The following GRIN3A variants were observed in gnomAD, a reference collection of about 807,000 sequenced individuals.
The protein encoded by GRIN3A is glutamate receptor ionotropic, NMDA 3A.
Under a neutral mutation model 92.4 loss-of-function variants are expected in GRIN3A, and 47 were observed. The observed-to-expected ratio is 0.51, with a 90% CI of 0.40 to 0.65. The LOEUF is 0.65. Ranked by LOEUF, GRIN3A falls within the 30% of genes least tolerant of loss-of-function variation. The pLI is 0.00. For synonymous variants in GRIN3A, 527 were observed against 540.6 expected (o/e 0.97, Z 0.35); for missense variants, 1,324 against 1,393.1 (o/e 0.95, Z 0.79).
chr9:101,695,767 G>A (rs1024433428), intron 1 of GRIN3A, among the ~76,000 whole-genome samples: 1 of 152,068 alleles, frequency 6.6e-6, no homozygotes, highest in African/African-American at 2.4e-5. Context: ...GTATTCTGAT[G>A]TCAACACCAG....
chr9:101,582,146 C>G (rs549009910), intron 6 of GRIN3A, among the ~76,000 whole-genome samples: 57 of 152,244 alleles, frequency 3.7e-4, no homozygotes, highest in African/African-American at 1.3e-3. Flanking sequence ...TTTCATTCTC[C>G]CCACCTCTCT....
intron 3 of GRIN3A, among the ~76,000 whole-genome samples, chr9:101,653,661 A>C (rs1829042111): frequency 6.6e-6 from 1 of 151,872 alleles, no homozygotes; most frequent in South Asian, 2.1e-4. Flanking sequence ...TGCTATTTAG[A>C]ACTTTAGGCA....
rs1196483396 is a variant in GRIN3A, at chr9:101,700,530, A to G, written c.700-13330T>C. On this transcript the variant is annotated intron_variant, in intron 1 of 8. Coordinates refer to ENST00000361820, the MANE Select transcript of GRIN3A (RefSeq NM_133445.3). ...ATACAGGCAAATCATGATATGTGCA[A>G]ACTCAATGTGTGTCCTTCATTTACT... Among the ~76,000 whole-genome samples the G allele has an allele frequency of 2.0e-5, 3 of 152,180 alleles. No individual in the cohort carries two copies. The East Asian group carries it at 5.8e-4, about 29-fold the overall frequency.
chr9:101,733,769 AT>A (rs1305678965), intron 1 of GRIN3A, among the ~76,000 whole-genome samples: 2 of 152,226 alleles, frequency 1.3e-5, no homozygotes, highest in Non-Finnish European at 2.9e-5. Flanking sequence ...GCATATATTA[AT>A]TTGTTAGTAC....
intron 3 of GRIN3A, among the ~76,000 whole-genome samples, chr9:101,628,619 A>T (rs561174895): frequency 1.8e-4 from 28 of 152,330 alleles, no homozygotes; most frequent in African/African-American, 6.5e-4. Flanking sequence ...CGACAAACAA[A>T]AAATACAAAA....
intron 3 of GRIN3A, among the ~76,000 whole-genome samples, chr9:101,632,766 C>G (rs1157421603): frequency 6.6e-6 from 1 of 152,114 alleles, no homozygotes; most frequent in Non-Finnish European, 1.5e-5. Context: ...CCAGGATGGT[C>G]TACCCTGTGT....
chr9:101,676,992 T>A, intron 2 of GRIN3A, among the ~76,000 whole-genome samples: 1 of 151,966 alleles, frequency 6.6e-6, no homozygotes, highest in East Asian at 1.9e-4. Context: ...TCTACACTTT[T>A]GCATTTGTCA....
chr9:101,715,753 T>A (rs1208272083), intron 1 of GRIN3A, among the ~76,000 whole-genome samples: 1 of 152,096 alleles, frequency 6.6e-6, no homozygotes, highest in Non-Finnish European at 1.5e-5. Context: ...TTAACAAATA[T>A]CTGAGTGATT....
chr9:101,615,751 A>G (rs1212488921), intron 5 of GRIN3A, among the ~76,000 whole-genome samples: 1 of 152,172 alleles, frequency 6.6e-6, no homozygotes, highest in African/African-American at 2.4e-5. Context: ...AGTAGAGCCC[A>G]GTATGTCCTA....
chr9:101,656,320 C>T lies in GRIN3A; in HGVS notation c.2352+13740G>A, dbSNP rs142126786. On this transcript the variant is annotated intron_variant, in intron 3 of 8. Coordinates refer to ENST00000361820, the MANE Select transcript of GRIN3A (RefSeq NM_133445.3). ...TCAACCAGCTGGGCTAAAATTGTAG[C>T]TGGCAAGCTAGGACTCTGAGTCAAA... 2.9e-3 allele frequency among the ~76,000 whole-genome samples: 435 copies of T among 152,020 alleles called. 1 individual carries two copies. The highest frequency in any genetic ancestry group is 4.2e-3 in the Non-Finnish European group (287 of 67,912).
intron 2 of GRIN3A, among the ~76,000 whole-genome samples, chr9:101,684,986 G>A (rs895180894): frequency 1.3e-5 from 2 of 152,132 alleles, no homozygotes; most frequent in Non-Finnish European, 2.9e-5. Context: ...GCCAACAGTA[G>A]ATTAAATCTG....
intron 3 of GRIN3A, among the ~76,000 whole-genome samples, chr9:101,653,409 C>T (rs1829038301): frequency 6.6e-6 from 1 of 151,862 alleles, no homozygotes; most frequent in Non-Finnish European, 1.5e-5. Context: ...AATTTCTATA[C>T]TTATTGAACT....
chr9:101,589,442 G>C (rs1481915570), intron 6 of GRIN3A, among the ~76,000 whole-genome samples: 2 of 152,058 alleles, frequency 1.3e-5, no homozygotes, highest in Non-Finnish European at 2.9e-5. Context: ...TGCCTAGAAG[G>C]CTTCTATTTT....
rs1251315638 is a variant in GRIN3A at position 101,670,248 on chromosome 9, T to C, written c.2164A>G (p.Ile722Val). 4 of 1,614,088 alleles carry C rather than the reference T, an allele frequency of 2.5e-6. No individual in the cohort carries two copies. The highest frequency in any genetic ancestry group is 3.4e-6 in the Non-Finnish European group (4 of 1,179,968). The change falls in exon 3 of 9, where the codon ATC (isoleucine) becomes GTC (valine). Residue 722 changes from isoleucine to valine, a missense_variant. Coordinates refer to ENST00000361820, the MANE Select transcript of GRIN3A (RefSeq NM_133445.3). ...CTGCCAAACAAGAGGGCATAACAGA[T>C]GTTCAAGGCTGAAGAAAAGGAGAAG... ...KVFSFSSALN[I>V]CYALLFGRTV... is the part of the protein sequence containing the mutation.
intron 3 of GRIN3A, among the ~76,000 whole-genome samples, chr9:101,659,502 A>T (rs1390708960): frequency 1.4e-5 from 1 of 69,730 alleles, no homozygotes; most frequent in African/African-American, 5.5e-5. Flanking sequence ...TATACATAGA[A>T]AGTATCTATG....
chr9:101,585,777 C>T (rs142566731), intron 6 of GRIN3A, among the ~76,000 whole-genome samples: 143 of 152,308 alleles, frequency 9.4e-4, no homozygotes, highest in African/African-American at 3.3e-3. Context: ...TAGTTGTTTT[C>T]CCTAACCCCT....
chr9:101,616,403 G>C (rs1043907325), intron 5 of GRIN3A, among the ~76,000 whole-genome samples: 4 of 152,184 alleles, frequency 2.6e-5, no homozygotes, highest in Admixed American at 1.3e-4. Context: ...TTTCAGTCCT[G>C]CCTTTCAAAC....
At chr9:101,616,604 C>T (rs1828456840) in intron 5 of GRIN3A, among the ~76,000 whole-genome samples, 1 of 151,686 alleles carries the variant, frequency 6.6e-6, no homozygotes, top group Admixed American at 6.6e-5. Context: ...TGGTTATACA[C>T]ACATCTCAAG....
chr9:101,732,221 T>A (rs949157900), intron 1 of GRIN3A, among the ~76,000 whole-genome samples: 1 of 152,230 alleles, frequency 6.6e-6, no homozygotes, highest in African/African-American at 2.4e-5. Context: ...ATCAACACAC[T>A]GCTTTCCTTA....
Sources: allele counts gnomAD v4.1 joint callset (sites outside exome capture counted in the v4.1 genomes callset), GRCh38; gene constraint gnomAD v4.1.1; transcripts MANE v1.5; gene names NCBI Gene and HGNC (gene_info 2026-07-23, HGNC 2026-07-21).